Variants in LAYN observed in about 807,000 individuals in gnomAD.
The protein encoded by LAYN is layilin.
In LAYN, 38 loss-of-function variants were observed where a neutral mutation model predicts 43.6. That is an observed-to-expected ratio of 0.87 (90% CI 0.67 to 1.14). The LOEUF (loss-of-function observed/expected upper bound fraction) is 1.14. Among genes scored for constraint, LAYN ranks in the 50% most tolerant of loss-of-function variants. LAYN has a pLI of 0.00. For missense variants in LAYN, 479 were observed against 463.8 expected, an observed-to-expected ratio of 1.03 and a Z score of -0.30; for synonymous variants, 168 against 172.9, an observed-to-expected ratio of 0.97 and a Z score of 0.22.
intron 2 of LAYN, among the ~76,000 whole-genome samples, chr11:111,547,722 G>A (rs1441532365): frequency 1.3e-5 from 2 of 152,218 alleles, no homozygotes; most frequent in Non-Finnish European, 2.9e-5. Flanking sequence ...CAGGAGTCAA[G>A]ACTAGTGAAT....
At position 111,543,917 on chromosome 11, in the gene LAYN, C is replaced by T. The variant is rs1458890615; in HGVS notation, c.86-6C>T. On this transcript the variant is annotated splice_region_variant and splice_polypyrimidine_tract_variant and intron_variant, in intron 1 of 6. Coordinates refer to ENST00000375614, the MANE Select transcript of LAYN (RefSeq NM_178834.5). Reference sequence around the variant, plus strand: ...ACTGAAATAGATTGGCTTCTTTTTTCTCTAGGGCAGCCAGTCTGCCGGGGA... The same window carrying T: ...ACTGAAATAGATTGGCTTCTTTTTTTTCTAGGGCAGCCAGTCTGCCGGGGA... 1.9e-6 allele frequency: 3 copies of T among 1,597,686 alleles called. No homozygotes were observed. Among genetic ancestry groups the T allele is most frequent in the Admixed American group, 1.8e-5 (1 of 55,970 alleles).
chr11:111,553,868 C>G (rs1207440262), intron 3 of LAYN, among the ~76,000 whole-genome samples: 1 of 152,064 alleles, frequency 6.6e-6, no homozygotes, highest in African/African-American at 2.4e-5. Context: ...GACCCTGTCC[C>G]TACGAACACC....
intron 4 of LAYN, among the ~76,000 whole-genome samples, chr11:111,554,917 T>G (rs2135802018): frequency 6.6e-6 from 1 of 152,294 alleles, no homozygotes; most frequent in South Asian, 2.1e-4. Flanking sequence ...GTCCTAGAAG[T>G]GAGTCCTTGG....
intron 6 of LAYN, among the ~76,000 whole-genome samples, chr11:111,559,425 G>A (rs1591571937): frequency 6.6e-6 from 1 of 151,556 alleles, no homozygotes; most frequent in Admixed American, 6.6e-5. Context: ...CGTGTTTTTT[G>A]TTGTTTTGGT....
intron 1 of LAYN, 148 bp downstream of exon 1, chr11:111,541,076 G>A: frequency 1.4e-6 from 1 of 737,812 alleles, no homozygotes; most frequent in Non-Finnish European, 2.2e-6. Context: ...AGTCTCTTGC[G>A]TTCTGGGGGC....
rs753817659 is a variant in LAYN at position 111,560,525 on chromosome 11, A to G, written c.*67A>G. Reference sequence around the variant, plus strand: ...GATAAGCAAAATCCTCTTATTTTCTATAAGGAAAATACACAGAAGGTCTAT... The same window carrying G: ...GATAAGCAAAATCCTCTTATTTTCTGTAAGGAAAATACACAGAAGGTCTAT... On this transcript the variant is annotated 3_prime_UTR_variant, in exon 7 of 7. Transcript: ENST00000375614. 6.8e-5 allele frequency: 100 copies of G among 1,479,020 alleles called. No homozygotes were observed. Among genetic ancestry groups the G allele is most frequent in the Non-Finnish European group, 8.0e-5 (88 of 1,093,356 alleles). The allele number at this position is 1,479,020 out of a possible 1,614,324, so 91.6% of individuals were successfully genotyped here. A position where few individuals can be genotyped will look rare whatever the true frequency, so the allele number is the denominator to read the frequency against.
rs1335539133 is a variant in LAYN at position 111,555,912 on chromosome 11, A to G, written c.658+622A>G. 1.3e-5 allele frequency among the ~76,000 whole-genome samples: 2 copies of G among 152,354 alleles called. 1 individual carries two copies. On this transcript the variant is annotated intron_variant, in intron 5 of 6. Transcript: ENST00000375614. ...CCTACCTGAGAGCACAACTGTGTCC[A>G]TAAAATGAAATAGGATATTGCAATA...
intron 6 of LAYN, 142 bp downstream of exon 6, chr11:111,557,785 T>C (rs77632452): frequency 0.023 from 16,756 of 726,518 alleles, 286 homozygotes; most frequent in African/African-American, 0.063. Context: ...CTCTGACAGG[T>C]CAGGGCATTC....
chr11:111,552,543 C>T (rs1867762073), intron 3 of LAYN, among the ~76,000 whole-genome samples: 3 of 152,236 alleles, frequency 2.0e-5, no homozygotes, highest in African/African-American at 7.2e-5. Context: ...CATAGCTGAA[C>T]ACTTGCTTAC....
intron 3 of LAYN, among the ~76,000 whole-genome samples, chr11:111,554,010 A>G (rs1268989165): frequency 6.6e-6 from 1 of 152,214 alleles, no homozygotes; most frequent in Non-Finnish European, 1.5e-5. Context: ...AATATGTACA[A>G]AAGCTCAGAG....
intron 2 of LAYN, among the ~76,000 whole-genome samples, chr11:111,549,176 G>A (rs1156372527): frequency 1.3e-5 from 2 of 152,202 alleles, no homozygotes; most frequent in Non-Finnish European, 2.9e-5. Context: ...GGCTGAAAAG[G>A]CAGTTGGTGG....
intron 5 of LAYN, among the ~76,000 whole-genome samples, chr11:111,557,210 G>A (rs1289526630): frequency 6.6e-6 from 1 of 151,636 alleles, no homozygotes; most frequent in Non-Finnish European, 1.5e-5. Flanking sequence ...ATTAACAAAA[G>A]TGCCCTTCTG....
chr11:111,554,543 T>C lies in LAYN; in HGVS notation c.542-18T>C. 1 of 1,605,840 alleles carries C rather than the reference T, an allele frequency of 6.2e-7. No individual in the cohort carries two copies. The highest frequency in any genetic ancestry group is 8.5e-7 in the Non-Finnish European group (1 of 1,174,570). ...AAAACTTACTACTTATTTTTGTTTT[T>C]GTTTCTTTCTACTACAGAGAAACCA... On this transcript the variant is annotated intron_variant, in intron 3 of 6. Transcript: ENST00000375614.
rs903054815 is a variant in LAYN, at chr11:111,544,234, A to G, written c.383+14A>G. 2.5e-6 allele frequency: 4 copies of G among 1,600,996 alleles called. No individual in the cohort carries two copies. Among genetic ancestry groups the G allele is most frequent in the Admixed American group, 3.4e-5 (2 of 58,622 alleles). ...ATCACAATTTAGGTAAGTGTGTGGA[A>G]CCCACAGCTGCTGACTCACTTGACA... is the stretch of plus-strand genomic sequence containing the variant. On this transcript the variant is annotated intron_variant, in intron 2 of 6. Coordinates refer to ENST00000375614, the MANE Select transcript of LAYN (RefSeq NM_178834.5).
At chr11:111,553,323 C>T (rs901288797) in intron 3 of LAYN, among the ~76,000 whole-genome samples, 1 of 152,032 alleles carries the variant, frequency 6.6e-6, no homozygotes, top group African/African-American at 2.4e-5. Flanking sequence ...TTATAAAACA[C>T]TTAGAACAGC....
rs1484182157 is a variant in LAYN, at chr11:111,544,039, G to C, written c.202G>C (p.Gly68Arg). 1 of 1,614,080 alleles carries C rather than the reference G, an allele frequency of 6.2e-7. No homozygotes were observed. The highest frequency in any genetic ancestry group is 8.5e-7 in the Non-Finnish European group (1 of 1,180,052). Residue 68 changes from glycine to arginine, a missense_variant, in exon 2 of 7, where the codon GGC becomes CGC. Gly to Arg is a moderately radical substitution (Grantham distance 125, BLOSUM62 -2). Transcript: ENST00000375614. ...EAKEACRRDG[G>R]QLVSIESEDE... The stretch of plus-strand genomic sequence containing the variant: ...CAAAGAAGCCTGCAGGAGGGATGGA[G>C]GCCAGCTAGTCAGCATCGAGTCTGA...
At position 111,542,552 on chromosome 11, in the gene LAYN, GAATT is replaced by G. The variant is rs1867565905; in HGVS notation, c.86-1367_86-1364del. Among the ~76,000 whole-genome samples, 4 of 150,246 alleles carry G rather than the reference GAATT, an allele frequency of 2.7e-5. No homozygotes were observed. In the South Asian group the frequency reaches 8.3e-4, roughly 31 times the overall value. On this transcript the variant is annotated intron_variant, in intron 1 of 6. Transcript: ENST00000375614. ...TGCCCTATATGCTGGCCAGTGTTGG[GAATT>G]AATGAATGCTATCTGGCTCCCTGCG... is the stretch of plus-strand genomic sequence containing the variant.
chr11:111,555,167 G>A lies in LAYN; in HGVS notation c.575-40G>A, dbSNP rs564737055. 216 of 1,437,286 alleles carry A rather than the reference G, an allele frequency of 1.5e-4. 3 individuals carry two copies. In the South Asian group the frequency reaches 2.4e-3, roughly 16 times the overall value. 89.0% of individuals were successfully genotyped at this position (1,437,286 alleles called of 1,614,324 possible). A position where few individuals can be genotyped will look rare whatever the true frequency, so the allele number is the denominator to read the frequency against. On this transcript the variant is annotated intron_variant, in intron 4 of 6. Coordinates refer to ENST00000375614, the MANE Select transcript of LAYN (RefSeq NM_178834.5). The stretch of plus-strand genomic sequence containing the variant: ...GGACCTCAAAGAATACCTGAATTAT[G>A]CCTTTCTTCAAGTTCACAAGTCCAT...
intron 1 of LAYN, chr11:111,541,282 T>G (rs1346821153): frequency 2.3e-5 from 14 of 600,406 alleles, no homozygotes; most frequent in Non-Finnish European, 3.3e-5. Flanking sequence ...GAATCAGTCC[T>G]TGGGACCACC....
Sources: allele counts gnomAD v4.1 joint callset (sites outside exome capture counted in the v4.1 genomes callset), GRCh38; gene constraint gnomAD v4.1.1; transcripts MANE v1.5; gene names NCBI Gene and HGNC (gene_info 2026-07-23, HGNC 2026-07-21).